SMDT1: variants seen among roughly 807,000 people sequenced by gnomAD.
The protein encoded by SMDT1 is essential MCU regulator, mitochondrial.
Under a neutral mutation model 5.9 loss-of-function variants are expected in SMDT1, and 6 were observed. That is an observed-to-expected ratio of 1.03 (90% confidence interval 0.56 to 2.02). SMDT1 has a LOEUF of 2.02. Ranked by LOEUF, SMDT1 falls within the 30% of genes most tolerant of loss-of-function variation. The probability of loss-of-function intolerance (pLI) is 0.00; values close to 1 mark genes in which losing one functional copy is unlikely to be tolerated. For synonymous variants in SMDT1, 81 were observed against 62.4 expected, an observed-to-expected ratio of 1.30 and a Z score of -1.40; for missense variants, 159 against 145.6, an observed-to-expected ratio of 1.09 and a Z score of -0.47.
intron 1 of SMDT1, among the ~76,000 whole-genome samples, chr22:42,080,454 G>C (rs887007534): frequency 6.6e-6 from 1 of 152,062 alleles, no homozygotes; most frequent in African/African-American, 2.4e-5. Flanking sequence ...ATGAAGAATC[G>C]GGCTAGAGCG....
chr22:42,082,092 G>A (rs780580734), intron 2 of SMDT1, 27 bp downstream of exon 2: 1 of 1,604,546 alleles, frequency 6.2e-7, no homozygotes, highest in Admixed American at 1.7e-5. Context: ...CCTAGATGGA[G>A]CAGGAAGCAG....
rs376577255 is a variant in SMDT1, at chr22:42,079,742, G to C, written c.-27G>C. ...GAGGGCTGGGCGGTGGGGTGCGGGT[G>C]CCCGGGTGAGGGGCGGAGCTGGGGG... On this transcript the variant is annotated 5_prime_UTR_variant, in exon 1 of 3. Coordinates refer to ENST00000331479, the MANE Select transcript of SMDT1 (RefSeq NM_033318.5). The C allele has an allele frequency of 2.5e-6, 4 of 1,588,838 alleles. No homozygotes were observed. The highest frequency in any genetic ancestry group is 4.5e-5 in the East Asian group (2 of 44,468).
intron 1 of SMDT1, among the ~76,000 whole-genome samples, chr22:42,080,764 A>C (rs1038249822): frequency 7.2e-5 from 11 of 152,204 alleles, no homozygotes; most frequent in African/African-American, 2.7e-4. Flanking sequence ...GTTGAAAAAA[A>C]AATTTTTTTA....
At chr22:42,082,188 G>C in intron 2 of SMDT1, 123 bp downstream of exon 2, 1 of 1,249,108 alleles carries the variant, frequency 8.0e-7, no homozygotes, top group East Asian at 2.4e-5. Context: ...TGGCCCACTT[G>C]GTGGCTAATG....
At chr22:42,079,993 C>A in intron 1 of SMDT1, 39 bp downstream of exon 1, 2 of 1,577,412 alleles carry the variant, frequency 1.3e-6, no homozygotes, top group Admixed American at 1.8e-5. Context: ...GGGGCTGAGG[C>A]CAATCATTGT....
chr22:42,080,164 A>C (rs1025540586), intron 1 of SMDT1, among the ~76,000 whole-genome samples: 4 of 152,142 alleles, frequency 2.6e-5, no homozygotes, highest in African/African-American at 9.7e-5. Context: ...AACGCTGAGG[A>C]AGTTGGCCTT....
At chr22:42,082,346 C>G (rs1447107115) in intron 2 of SMDT1, 1 of 358,794 alleles carries the variant, frequency 2.8e-6, no homozygotes, top group Non-Finnish European at 5.2e-6. Context: ...GGATTACAGA[C>G]ATGCGCCACT....
rs1927815027 is a variant in SMDT1, at chr22:42,081,951, C to A, written c.213C>A (p.Phe71Leu). The A allele has an allele frequency of 6.2e-7, 1 of 1,614,158 alleles. No individual in the cohort carries two copies. Among genetic ancestry groups the A allele is most frequent in the Non-Finnish European group, 8.5e-7 (1 of 1,180,048 alleles). Residue 71 changes from phenylalanine to leucine, a missense_variant, in exon 2 of 3, where the codon TTC becomes TTA. Transcript: ENST00000331479. ...VKMSFGLLRV[F>L]SIVIPFLYVG... Reference sequence around the variant, plus strand: ...TGTCCTTCGGCCTTCTCCGTGTGTTCTCCATTGTGATCCCCTTTCTCTATG... The same window carrying A: ...TGTCCTTCGGCCTTCTCCGTGTGTTATCCATTGTGATCCCCTTTCTCTATG...
chr22:42,082,316 C>G, intron 2 of SMDT1: 1 of 428,652 alleles, frequency 2.3e-6, no homozygotes, highest in Non-Finnish European at 4.3e-6. Context: ...ATTCTCCTGC[C>G]TCAGCCTACC....
chr22:42,080,766 A>AT (rs78251806), intron 1 of SMDT1, among the ~76,000 whole-genome samples: 98 of 152,014 alleles, frequency 6.4e-4, no homozygotes, highest in African/African-American at 2.3e-3. Flanking sequence ...TGAAAAAAAA[A>AT]TTTTTTTAAT....
rs1294361057 is a variant in SMDT1, at chr22:42,084,249, TTTTGTGATATCC to T, written c.*1138_*1149del. On this transcript the variant is annotated 3_prime_UTR_variant, in exon 3 of 3. Transcript: ENST00000331479. ...CCCTATGCATCTCTTCAGCTGTATC[TTTTGTGATATCC>T]TTTATAATAAACCAGTAAACGGACC... 6.6e-6 allele frequency: 1 copy of T among 152,202 alleles called. No homozygotes were observed. The highest frequency in any genetic ancestry group is 6.5e-5 in the Admixed American group (1 of 15,278). The allele number at this position is 152,202 out of a possible 1,614,324, so 9.4% of individuals were successfully genotyped here. A position where few individuals can be genotyped will look rare whatever the true frequency, so the allele number is the denominator to read the frequency against.
Position 42,084,003 on chromosome 22 carries a change from C to G in SMDT1, c.*888C>G, listed in dbSNP as rs62238591. On this transcript the variant is annotated 3_prime_UTR_variant, in exon 3 of 3. Transcript: ENST00000331479. ...CCTGAGAGGAAGAAATGTAGACAGG[C>G]CTTGTTGGACTTCCCCACTCCATCT... The G allele has an allele frequency of 1.3e-5, 2 of 152,218 alleles. No individual in the cohort carries two copies. The highest frequency in any genetic ancestry group is 2.9e-5 in the Non-Finnish European group (2 of 68,054). 9.4% of individuals were successfully genotyped at this position (152,218 alleles called of 1,614,324 possible).
At position 42,081,968 on chromosome 22, in the gene SMDT1, TTCTC is replaced by T; in HGVS notation, c.232_235del (p.Leu78MetfsTer87). The T allele has an allele frequency of 6.2e-7, 1 of 1,614,112 alleles. No individual in the cohort carries two copies. Among genetic ancestry groups the T allele is most frequent in the Non-Finnish European group, 8.5e-7 (1 of 1,180,032 alleles). ...CGTGTGTTCTCCATTGTGATCCCCT[TTCTC>T]TATGTCGGGACACTCATTAGCAAGA... On this transcript the variant is annotated frameshift_variant, in exon 2 of 3. Transcript: ENST00000331479. LOFTEE classifies it high-confidence loss of function.
intron 1 of SMDT1, 143 bp downstream of exon 1, chr22:42,080,097 AG>A: frequency 2.1e-6 from 2 of 943,716 alleles, no homozygotes; most frequent in Non-Finnish European, 3.1e-6. Context: ...TACGCTAATG[AG>A]TTGCTAATTT....
At position 42,081,880 on chromosome 22, in the gene SMDT1, A is replaced by G. The variant is rs202174362; in HGVS notation, c.187-45A>G. On this transcript the variant is annotated intron_variant, in intron 1 of 2. Coordinates refer to ENST00000331479, the MANE Select transcript of SMDT1 (RefSeq NM_033318.5). ...GGGCCAGGTCTTCTTTGGTCCTGCC[A>G]GAGTGGGCTCTGGAGCTCACAGCTG... is the stretch of plus-strand genomic sequence containing the variant. 7.4e-6 allele frequency: 12 copies of G among 1,610,876 alleles called. No individual in the cohort carries two copies. The African/African-American group carries it at 1.3e-4, about 18-fold the overall frequency.
chr22:42,080,740 G>A (rs992386425), intron 1 of SMDT1, among the ~76,000 whole-genome samples: 1 of 152,164 alleles, frequency 6.6e-6, no homozygotes, highest in Non-Finnish European at 1.5e-5. Context: ...GGAAAGACCT[G>A]CCTTATCAAA....
rs1324940692 is a variant in SMDT1 at position 42,083,888 on chromosome 22, C to G, written c.*773C>G. The G allele has an allele frequency of 6.6e-6, 1 of 152,192 alleles. No homozygotes were observed. The highest frequency in any genetic ancestry group is 1.5e-5 in the Non-Finnish European group (1 of 68,040). 9.4% of individuals were successfully genotyped at this position (152,192 alleles called of 1,614,324 possible). ...AAAAGTATAATCTTCCTTTGCCCGT[C>G]TTCCAGTTGGCCATAAAAAGAATCC... On this transcript the variant is annotated 3_prime_UTR_variant, in exon 3 of 3. Coordinates refer to ENST00000331479, the MANE Select transcript of SMDT1 (RefSeq NM_033318.5).
intron 1 of SMDT1, among the ~76,000 whole-genome samples, chr22:42,080,932 G>T (rs1038282398): frequency 2.0e-5 from 3 of 152,202 alleles, no homozygotes; most frequent in African/African-American, 7.2e-5. Flanking sequence ...GTTACTTAGT[G>T]AACTGTGTAG....
rs551720408 is a variant in SMDT1 at position 42,081,930 on chromosome 22, C to A, written c.192C>A (p.Ser64=). Residue 64 remains serine (S), a synonymous_variant, in exon 2 of 3, where the codon TCC becomes TCA. Transcript: ENST00000331479. ...GAILPKPVKM[S]FGLLRVFSIV... Reference sequence around the variant, plus strand: ...GCCACTCTGACCCTCTGCAGATGTCCTTCGGCCTTCTCCGTGTGTTCTCCA... The same window carrying A: ...GCCACTCTGACCCTCTGCAGATGTCATTCGGCCTTCTCCGTGTGTTCTCCA... The A allele has an allele frequency of 1.9e-6, 3 of 1,613,936 alleles. No homozygotes were observed. The highest frequency in any genetic ancestry group is 2.5e-6 in the Non-Finnish European group (3 of 1,180,026).
Sources: gnomAD v4.1 joint callset for allele counts (sites outside exome capture counted in the v4.1 genomes callset) on GRCh38, gnomAD v4.1.1 for gene constraint, MANE v1.5 for transcripts, NCBI Gene and HGNC (gene_info 2026-07-23, HGNC 2026-07-21) for gene names.